RNF150: variants seen among roughly 807,000 people sequenced by gnomAD.
The protein encoded by RNF150 is ring finger protein 150.
RNF150 carries 24 observed loss-of-function variants against 39.3 expected under a neutral mutation model. The observed-to-expected ratio is 0.61, with a 90% CI of 0.44 to 0.86. The LOEUF is 0.86. RNF150 is among the 40% of genes least tolerant of loss of function. The pLI, the probability that RNF150 is intolerant of heterozygous loss-of-function variation, is 0.00. For synonymous variants in RNF150, 255 were observed against 227.3 expected, an observed-to-expected ratio of 1.12 and a Z score of -1.10; for missense variants, 502 against 587.8, an observed-to-expected ratio of 0.85 and a Z score of 1.51.
chr4:140,947,895 T>A (rs1283068568), intron 3 of RNF150, among the ~76,000 whole-genome samples, 159 bp from the exon 4 acceptor site: 1 of 152,236 alleles, frequency 6.6e-6, no homozygotes, highest in Non-Finnish European at 1.5e-5. Context: ...CTAGTTTCCA[T>A]TCCTTCCAAC....
At chr4:141,041,747 A>C (rs1736382642) in intron 1 of RNF150, among the ~76,000 whole-genome samples, 4 of 152,120 alleles carry the variant, frequency 2.6e-5, no homozygotes, top group African/African-American at 9.6e-5. Flanking sequence ...ATGTAAGAAA[A>C]TGTAAAATAA....
At chr4:140,878,164 G>GTTTTTTT (rs58338048) in intron 6 of RNF150, among the ~76,000 whole-genome samples, 2 of 90,502 alleles carry the variant, frequency 2.2e-5, no homozygotes, top group African/African-American at 4.0e-5. Flanking sequence ...ATCTCATTGT[G>GTTTTTTT]TTTTTTTTTT....
intron 1 of RNF150, among the ~76,000 whole-genome samples, chr4:140,999,794 G>A (rs1400974417): frequency 6.6e-6 from 1 of 151,538 alleles, no homozygotes; most frequent in East Asian, 1.9e-4. Context: ...AATTAGCCAG[G>A]TGTGGTGGCA....
At chr4:141,023,046 C>A (rs897341620) in intron 1 of RNF150, among the ~76,000 whole-genome samples, 1 of 151,814 alleles carries the variant, frequency 6.6e-6, no homozygotes, top group East Asian at 1.9e-4. Flanking sequence ...CATAATTATA[C>A]ACCAAGTTTA....
At chr4:141,180,367 G>C (rs1385711431) in intron 1 of RNF150, among the ~76,000 whole-genome samples, 1 of 152,070 alleles carries the variant, frequency 6.6e-6, no homozygotes, top group Non-Finnish European at 1.5e-5. Flanking sequence ...AGTTTCCTTT[G>C]CCTCCTCTTA....
rs141730218 is a variant in RNF150, at chr4:140,954,307, C to T, written c.736-4935G>A. Among the ~76,000 whole-genome samples the T allele has an allele frequency of 2.8e-4, 42 of 152,196 alleles. 1 individual carries two copies. The South Asian group carries it at 5.0e-3, about 18-fold the overall frequency. ...TTGGCTCACTGCAGCCTCTGCTTCT[C>T]GGGTTCAACTGATTCTCATACCTCA... On this transcript the variant is annotated intron_variant, in intron 2 of 6. Coordinates refer to ENST00000515673, the MANE Select transcript of RNF150 (RefSeq NM_020724.2).
chr4:141,046,377 T>C (rs949770974), intron 1 of RNF150, among the ~76,000 whole-genome samples: 1 of 152,216 alleles, frequency 6.6e-6, no homozygotes, highest in Non-Finnish European at 1.5e-5. Flanking sequence ...ATCCTTCAGT[T>C]GCCAAAGTTT....
chr4:141,094,415 C>G (rs541814256), intron 1 of RNF150, among the ~76,000 whole-genome samples: 2 of 152,216 alleles, frequency 1.3e-5, no homozygotes, highest in Admixed American at 1.3e-4. Context: ...CTTTAAAATG[C>G]TAAGAGTAAC....
chr4:141,078,808 A>T (rs13115394), intron 1 of RNF150, among the ~76,000 whole-genome samples: 19 of 79,724 alleles, frequency 2.4e-4, no homozygotes, highest in Non-Finnish European at 4.1e-4. Context: ...AAAAAAAAAA[A>T]ATATATATAT....
intron 2 of RNF150, among the ~76,000 whole-genome samples, chr4:140,957,144 G>T (rs1383758520): frequency 6.6e-6 from 1 of 151,338 alleles, no homozygotes; most frequent in Non-Finnish European, 1.5e-5. Context: ...GAAAATTTTC[G>T]CAACCTACTC....
chr4:141,142,240 C>A (rs1727128312), intron 1 of RNF150, among the ~76,000 whole-genome samples: 1 of 152,190 alleles, frequency 6.6e-6, no homozygotes, highest in African/African-American at 2.4e-5. Flanking sequence ...CTATCATCTA[C>A]TTTTACCCCA....
intron 1 of RNF150, among the ~76,000 whole-genome samples, chr4:141,129,061 A>C (rs1165479446): frequency 6.6e-6 from 1 of 152,224 alleles, no homozygotes; most frequent in African/African-American, 2.4e-5. Flanking sequence ...ACAGTCTAGA[A>C]GGTCCTCAAA....
At chr4:141,041,607 G>A (rs1460199363) in intron 1 of RNF150, among the ~76,000 whole-genome samples, 2 of 152,010 alleles carry the variant, frequency 1.3e-5, no homozygotes, top group Admixed American at 6.6e-5. Context: ...TTTTTCACAT[G>A]TATTTCTTCT....
chr4:141,192,429 T>C lies in RNF150; in HGVS notation c.-6+20365A>G, dbSNP rs146484847. On this transcript the variant is annotated intron_variant, in intron 1 of 7. Transcript: ENST00000420921. ...TCATGGAGTTTGTAGCCTACTGAGG[T>C]AGACAGATATTATACAAATAAATAT... is the stretch of plus-strand genomic sequence containing the variant. Among the ~76,000 whole-genome samples the C allele has an allele frequency of 3.5e-4, 53 of 152,288 alleles. 1 individual carries two copies. Among genetic ancestry groups the C allele is most frequent in the Admixed American group, 3.3e-3 (50 of 15,300 alleles).
intron 6 of RNF150, among the ~76,000 whole-genome samples, chr4:140,902,435 A>G (rs1730220628): frequency 6.6e-6 from 1 of 152,262 alleles, no homozygotes; most frequent in Admixed American, 6.5e-5. Flanking sequence ...TCTGAAGCCA[A>G]GTATACCATG....
Position 141,156,904 on chromosome 4 carries a change from CA to C in RNF150, c.-6+55889del, listed in dbSNP as rs899171208. Among the ~76,000 whole-genome samples, 23 of 150,956 alleles carry C rather than the reference CA, an allele frequency of 1.5e-4. No individual in the cohort carries two copies. In the East Asian group the frequency reaches 2.3e-3, roughly 15 times the overall value. ...TCTGGGCAGTAGAGTGAGATTATCT[CA>C]AAAAAAAATTGATCATATGCTATAG... On this transcript the variant is annotated intron_variant, in intron 1 of 7. Coordinates refer to the RNF150 transcript ENST00000420921.
At chr4:141,069,834 T>C (rs1352812701) in intron 1 of RNF150, among the ~76,000 whole-genome samples, 3 of 152,230 alleles carry the variant, frequency 2.0e-5, no homozygotes, top group South Asian at 4.1e-4. Context: ...CTAGATTTTC[T>C]AGTTTATTTG....
At chr4:141,204,149 T>C (rs1728338306) in intron 1 of RNF150, among the ~76,000 whole-genome samples, 1 of 152,144 alleles carries the variant, frequency 6.6e-6, no homozygotes, top group African/African-American at 2.4e-5. Context: ...TTGATATGAA[T>C]AGGCTGCAGT....
intron 5 of RNF150, among the ~76,000 whole-genome samples, chr4:140,923,827 T>C (rs1490366704): frequency 1.3e-5 from 2 of 152,126 alleles, no homozygotes; most frequent in Non-Finnish European, 2.9e-5. Flanking sequence ...TGTAGGGACA[T>C]GGATGAAGCT....
Sources: allele counts gnomAD v4.1 joint callset (sites outside exome capture counted in the v4.1 genomes callset), GRCh38; gene constraint gnomAD v4.1.1; transcripts MANE v1.5; gene names NCBI Gene and HGNC (gene_info 2026-07-23, HGNC 2026-07-21).